HERC1: variants seen among roughly 807,000 people sequenced by gnomAD.
HERC1 encodes the protein probable E3 ubiquitin-protein ligase HERC1.
In HERC1, 160 loss-of-function variants were observed where a neutral mutation model predicts 554.3. The ratio of observed to expected loss-of-function variants is 0.29; its 90% CI spans 0.25 to 0.33. The LOEUF is 0.33. HERC1 is among the 10% of genes least tolerant of loss of function. The pLI is 1.00. For missense variants in HERC1, 4,919 were observed against 5,918.5 expected, an observed-to-expected ratio of 0.83 and a Z score of 5.54; for synonymous variants, 2,175 against 2,131.7, an observed-to-expected ratio of 1.02 and a Z score of -0.56.
chr15:63,724,743 T>C (rs139759139), intron 18 of HERC1, among the ~76,000 whole-genome samples: 55 of 152,328 alleles, frequency 3.6e-4, no homozygotes, highest in African/African-American at 1.3e-3. Context: ...ACCAGATAAG[T>C]CTTCATGTTC....
chr15:63,760,378 T>C (rs2075568562), intron 3 of HERC1, among the ~76,000 whole-genome samples: 1 of 146,130 alleles, frequency 6.8e-6, no homozygotes, highest in African/African-American at 2.5e-5. Flanking sequence ...TATTATAAAG[T>C]TGCAGTGAGC....
intron 1 of HERC1, among the ~76,000 whole-genome samples, chr15:63,781,473 T>G (rs2076287168): frequency 6.6e-6 from 1 of 152,196 alleles, no homozygotes; most frequent in African/African-American, 2.4e-5. Context: ...AAGCTTTGAT[T>G]GTTATTATTG....
At chr15:63,731,097 A>G (rs2074273107) in intron 14 of HERC1, among the ~76,000 whole-genome samples, 1 of 152,176 alleles carries the variant, frequency 6.6e-6, no homozygotes. Flanking sequence ...TTCATAAACC[A>G]TGTGTATATA....
intron 1 of HERC1, among the ~76,000 whole-genome samples, chr15:63,821,239 GA>G (rs1454500702): frequency 1.3e-5 from 2 of 151,986 alleles, no homozygotes; most frequent in East Asian, 3.9e-4. Flanking sequence ...CTAGGCAACA[GA>G]GTGAGACCTC....
intron 55 of HERC1, among the ~76,000 whole-genome samples, chr15:63,646,193 C>T (rs2069329938): frequency 1.3e-5 from 2 of 152,234 alleles, no homozygotes; most frequent in Admixed American, 1.3e-4. Flanking sequence ...TGGTTTCATG[C>T]ATTTACGCTA....
intron 70 of HERC1, among the ~76,000 whole-genome samples, chr15:63,626,516 C>A (rs2068306265): frequency 6.6e-6 from 1 of 152,104 alleles, no homozygotes; most frequent in African/African-American, 2.4e-5. Flanking sequence ...CTTCATAATA[C>A]CACAAATGTG....
At chr15:63,660,880 C>A in intron 46 of HERC1, 93 bp downstream of exon 46, 1 of 792,762 alleles carries the variant, frequency 1.3e-6, no homozygotes, top group Non-Finnish European at 2.2e-6. Flanking sequence ...TACAAACACA[C>A]ACACACACGA....
At chr15:63,720,992 C>A (rs1428122712) in intron 19 of HERC1, among the ~76,000 whole-genome samples, 3 of 152,018 alleles carry the variant, frequency 2.0e-5, no homozygotes, top group African/African-American at 7.2e-5. Context: ...ATAAGCAATA[C>A]AACAAACAGA....
At chr15:63,791,828 AAAGC>A (rs1485813613) in intron 1 of HERC1, among the ~76,000 whole-genome samples, 1 of 152,198 alleles carries the variant, frequency 6.6e-6, no homozygotes, top group Non-Finnish European at 1.5e-5. Flanking sequence ...ATATTTTATA[AAAGC>A]AAGTTTTCAA....
intron 74 of HERC1, among the ~76,000 whole-genome samples, chr15:63,619,685 C>A (rs1366756302): frequency 6.6e-6 from 1 of 152,114 alleles, no homozygotes; most frequent in Admixed American, 6.5e-5. Context: ...CCTGTTTGGT[C>A]TATTCAGAGA....
intron 22 of HERC1, 43 bp downstream of exon 22, chr15:63,716,259 C>A: frequency 6.5e-7 from 1 of 1,542,602 alleles, no homozygotes; most frequent in South Asian, 1.2e-5. Context: ...TATCAAAAAG[C>A]ATGCCACAGT....
rs139115203 is a variant in HERC1 at position 63,775,766 on chromosome 15, G to A, written c.-26-117C>T. ...AAACTGGTGAAATGCAGCCGGGTGC[G>A]GTGGCTCACGCCTGTAATCCCAACA... On this transcript the variant is annotated intron_variant, in intron 1 of 77. Transcript: ENST00000443617. The surrounding 1 kb of genome is among the most constrained non-coding windows in gnomAD (Gnocchi z 4.0). 1,815 of 722,994 alleles carry A rather than the reference G, an allele frequency of 2.5e-3. 35 individuals carry two copies. In the African/African-American group the frequency reaches 0.029, roughly 12 times the overall value. The allele number at this position is 722,994 out of a possible 1,614,324, so 44.8% of individuals were successfully genotyped here.
chr15:63,775,431 A>T lies in HERC1; in HGVS notation c.193T>A (p.Phe65Ile). The T allele has an allele frequency of 6.2e-7, 1 of 1,614,022 alleles. No individual in the cohort carries two copies. Among genetic ancestry groups the T allele is most frequent in the Non-Finnish European group, 8.5e-7 (1 of 1,179,870 alleles). ...LCLKGPQLPD[F>I]ERESLSSDEQ... ...TCACTTGAAAGAGACTCACGTTCAA[A>T]GTCTGGCAACTGTGGTCCTTTGAGG... Residue 65 changes from phenylalanine to isoleucine, a missense_variant, in exon 2 of 78, where the codon TTT (phenylalanine) becomes ATT (isoleucine). Coordinates refer to ENST00000443617, the MANE Select transcript of HERC1 (RefSeq NM_003922.4). This position sits in a 1 kb window ranked among gnomAD's most constrained non-coding sequence, Gnocchi z 4.0.
At position 63,640,259 on chromosome 15, in the gene HERC1, T is replaced by C. The variant is rs778219815; in HGVS notation, c.11794A>G (p.Thr3932Ala). Residue 3932 changes from threonine to alanine, a missense_variant, in exon 61 of 78, where the codon ACC becomes GCC. Around this residue, in one of 11 missense-constraint regions of HERC1, gnomAD observed 1,963 missense variants for 2,228.6 expected, o/e 0.88. Coordinates refer to ENST00000443617, the MANE Select transcript of HERC1 (RefSeq NM_003922.4). ...NEWAWLECFS[T>A]TIKAAEALTN... is the part of the protein sequence containing the mutation. Reference sequence around the variant, plus strand: ...AGGGCTTCGGCAGCTTTTATAGTGGTTGAGAAACATTCTAACCAGGCCCAT... The same window carrying C: ...AGGGCTTCGGCAGCTTTTATAGTGGCTGAGAAACATTCTAACCAGGCCCAT... The C allele has an allele frequency of 4.3e-6, 7 of 1,613,806 alleles. No homozygotes were observed. The highest frequency in any genetic ancestry group is 2.2e-5 in the East Asian group (1 of 44,894).
chr15:63,753,007 T>C lies in HERC1; in HGVS notation c.1853A>G (p.Lys618Arg), dbSNP rs200768642. Residue 618 changes from lysine (K) to arginine (R), a missense_variant, in exon 8 of 78, where the codon AAA (lysine) becomes AGA (arginine). Transcript: ENST00000443617. ...TGAAGACTGGCTCCCAGCACAAACT[T>C]TGCGAATGAACATTCCTTGTAAAGC... is the stretch of plus-strand genomic sequence containing the variant. ...IEALQGMFIR[K>R]VCAGSQSSLA... 13 of 1,613,718 alleles carry C rather than the reference T, an allele frequency of 8.1e-6. No individual in the cohort carries two copies. Among genetic ancestry groups the C allele is most frequent in the Non-Finnish European group, 1.1e-5 (13 of 1,179,702 alleles).
Position 63,775,685 on chromosome 15 carries a change from C to T in HERC1, c.-26-36G>A, listed in dbSNP as rs2076091206. On this transcript the variant is annotated intron_variant, in intron 1 of 77. Coordinates refer to ENST00000443617, the MANE Select transcript of HERC1 (RefSeq NM_003922.4). The surrounding 1 kb of genome is among the most constrained non-coding windows in gnomAD (Gnocchi z 4.0). ...AGAAGAGAAAACAGTCAAAAACATACAGAGGACTCATAAAATGTTTCCAAA... is the reference window on the plus strand; with the variant it reads ...AGAAGAGAAAACAGTCAAAAACATATAGAGGACTCATAAAATGTTTCCAAA... 3 of 1,285,950 alleles carry T rather than the reference C, an allele frequency of 2.3e-6. No individual in the cohort carries two copies. The highest frequency in any genetic ancestry group is 1.4e-5 in the South Asian group (1 of 70,118). 79.7% of individuals were successfully genotyped at this position (1,285,950 alleles called of 1,614,324 possible). A position where few individuals can be genotyped will look rare whatever the true frequency, so the allele number is the denominator to read the frequency against.
chr15:63,660,315 A>C (rs925234595), intron 46 of HERC1, among the ~76,000 whole-genome samples: 1 of 151,840 alleles, frequency 6.6e-6, no homozygotes, highest in South Asian at 2.1e-4. Context: ...GTGAGACTCC[A>C]TCTCAAAGAA....
chr15:63,798,360 T>G (rs2076873487), intron 1 of HERC1, among the ~76,000 whole-genome samples: 1 of 152,114 alleles, frequency 6.6e-6, no homozygotes, highest in Non-Finnish European at 1.5e-5. Flanking sequence ...AACTGCCTCT[T>G]TACAATCAGG....
Position 63,672,585 on chromosome 15 carries a change from C to G in HERC1, c.7956G>C (p.Glu2652Asp). 1 of 1,611,906 alleles carries G rather than the reference C, an allele frequency of 6.2e-7. No homozygotes were observed. The highest frequency in any genetic ancestry group is 1.7e-4 in the Middle Eastern group (1 of 6,060). ...STTSFMSSSL[E>D]DTTTATTPVT... is the part of the protein sequence containing the mutation. Reference sequence around the variant, plus strand: ...CTGGAGTGGTGGCAGTTGTGGTGTCCTCCAGAGAGCTGCTCATAAAGGAGG... The same window carrying G: ...CTGGAGTGGTGGCAGTTGTGGTGTCGTCCAGAGAGCTGCTCATAAAGGAGG... The change falls in exon 39 of 78, where the codon GAG (glutamate) becomes GAC (aspartate). Residue 2652 changes from glutamate to aspartate, a missense_variant. By Grantham distance (45) the Glu-to-Asp change is conservative (BLOSUM62 2). This residue lies in a region of HERC1 where 1,963 missense variants were observed against 2,228.6 expected (regional missense o/e 0.88). Coordinates refer to ENST00000443617, the MANE Select transcript of HERC1 (RefSeq NM_003922.4).
Sources: gnomAD v4.1 joint callset for allele counts (sites outside exome capture counted in the v4.1 genomes callset) on GRCh38, gnomAD v4.1.1 for gene constraint, gnomAD v4.1.1 regional missense constraint, Gnocchi (gnomAD v3.1) non-coding constraint, MANE v1.5 for transcripts, NCBI Gene and HGNC (gene_info 2026-07-23, HGNC 2026-07-21) for gene names.